The following KCND2 variants were observed in gnomAD, a reference collection of about 807,000 sequenced individuals.
KCND2 encodes the protein potassium voltage-gated channel subfamily D member 2.
KCND2 carries 16 observed loss-of-function variants against 54.4 expected under a neutral mutation model. The ratio of observed to expected loss-of-function variants is 0.29; its 90% CI spans 0.20 to 0.45. The LOEUF (loss-of-function observed/expected upper bound fraction) is 0.45. KCND2 is among the 20% of genes least tolerant of loss of function. KCND2 has a pLI of 1.00. For missense variants in KCND2, 486 were observed against 824.2 expected, an observed-to-expected ratio of 0.59 and a Z score of 5.02; for synonymous variants, 317 against 310.7, an observed-to-expected ratio of 1.02 and a Z score of -0.21.
chr7:120,499,176 C>A (rs1018646384), intron 1 of KCND2, among the ~76,000 whole-genome samples: 1 of 152,058 alleles, frequency 6.6e-6, no homozygotes, highest in Non-Finnish European at 1.5e-5. Flanking sequence ...GGGAAGAAAA[C>A]CTCATTATAT....
intron 1 of KCND2, among the ~76,000 whole-genome samples, chr7:120,520,257 T>C (rs1194746074): frequency 6.6e-6 from 1 of 152,102 alleles, no homozygotes; most frequent in Admixed American, 6.6e-5. Context: ...GTAATTCTAT[T>C]TGTGATAATC....
intron 1 of KCND2, among the ~76,000 whole-genome samples, chr7:120,729,900 T>A (rs1420232324): frequency 6.6e-6 from 1 of 152,188 alleles, no homozygotes; most frequent in Non-Finnish European, 1.5e-5. Context: ...ACCTTATGAA[T>A]CCTTCTAGAC....
chr7:120,421,911 A>G (rs764804659), intron 1 of KCND2, among the ~76,000 whole-genome samples: 1 of 152,150 alleles, frequency 6.6e-6, no homozygotes, highest in Non-Finnish European at 1.5e-5. Context: ...GCCACTTTTC[A>G]GGGAGCTGGG....
At chr7:120,333,834 T>C (rs1201840458) in intron 1 of KCND2, among the ~76,000 whole-genome samples, 3 of 152,204 alleles carry the variant, frequency 2.0e-5, no homozygotes, top group African/African-American at 7.2e-5. Flanking sequence ...GTGGCATGGG[T>C]TTGTAGATAA....
chr7:120,578,899 C>T (rs1314184353), intron 1 of KCND2, among the ~76,000 whole-genome samples: 1 of 150,222 alleles, frequency 6.7e-6, no homozygotes, highest in East Asian at 1.9e-4. Context: ...ACCTGGGTGA[C>T]AGAGCAAGAC....
chr7:120,505,493 G>A (rs554533807), intron 1 of KCND2, among the ~76,000 whole-genome samples: 3 of 151,744 alleles, frequency 2.0e-5, no homozygotes, highest in Non-Finnish European at 4.4e-5. Context: ...ATAGAGAAAC[G>A]GCATGTTTGT....
chr7:120,595,034 A>G (rs1376992489), intron 1 of KCND2, among the ~76,000 whole-genome samples: 1 of 151,598 alleles, frequency 6.6e-6, no homozygotes, highest in Non-Finnish European at 1.5e-5. Flanking sequence ...AGAAAAAAAA[A>G]AAAAAGAGAG....
chr7:120,400,001 C>T (rs1801223395), intron 1 of KCND2, among the ~76,000 whole-genome samples: 1 of 152,124 alleles, frequency 6.6e-6, no homozygotes, highest in Non-Finnish European at 1.5e-5. Context: ...GCTGGGATTA[C>T]AGGCATGAGC....
intron 1 of KCND2, among the ~76,000 whole-genome samples, chr7:120,435,839 G>A (rs2116178457): frequency 6.6e-6 from 1 of 152,142 alleles, no homozygotes; most frequent in South Asian, 2.1e-4. Flanking sequence ...TTGGGCAATT[G>A]ATGTGTTTTT....
intron 1 of KCND2, among the ~76,000 whole-genome samples, chr7:120,603,330 C>T (rs1248619699): frequency 6.6e-6 from 1 of 152,172 alleles, no homozygotes; most frequent in Non-Finnish European, 1.5e-5. Context: ...ATGAGACGTG[C>T]CCCTTCTGAA....
chr7:120,347,981 C>T (rs1287197475), intron 1 of KCND2, among the ~76,000 whole-genome samples: 1 of 152,092 alleles, frequency 6.6e-6, no homozygotes, highest in Non-Finnish European at 1.5e-5. Flanking sequence ...AGAGCAGGAA[C>T]TCTCTGGGAT....
At chr7:120,741,783 C>T (rs1386139231) in intron 3 of KCND2, among the ~76,000 whole-genome samples, 154 bp downstream of exon 3, 1 of 152,008 alleles carries the variant, frequency 6.6e-6, no homozygotes, top group Non-Finnish European at 1.5e-5. Flanking sequence ...TAACTTCACC[C>T]TGTACATCCT....
intron 1 of KCND2, among the ~76,000 whole-genome samples, chr7:120,456,087 A>G (rs1319294816): frequency 6.6e-6 from 1 of 152,190 alleles, no homozygotes; most frequent in African/African-American, 2.4e-5. Context: ...CCTTCAAACC[A>G]TGAACCGTAT....
At chr7:120,599,113 T>C (rs777004290) in intron 1 of KCND2, among the ~76,000 whole-genome samples, 1 of 152,182 alleles carries the variant, frequency 6.6e-6, no homozygotes, top group African/African-American at 2.4e-5. Context: ...TTTGCACCTT[T>C]GTAGAAAATC....
At chr7:120,678,343 TTATATATA>T (rs3067141) in intron 1 of KCND2, among the ~76,000 whole-genome samples, 17 of 120,278 alleles carry the variant, frequency 1.4e-4, no homozygotes, top group East Asian at 2.8e-4. Flanking sequence ...GTATGATTAT[TTATATATA>T]TATATATATA....
At chr7:120,676,859 T>C (rs891869534) in intron 1 of KCND2, among the ~76,000 whole-genome samples, 2 of 152,192 alleles carry the variant, frequency 1.3e-5, no homozygotes, top group Non-Finnish European at 2.9e-5. Flanking sequence ...AAAAAAGGCA[T>C]CTGGGTAGCC....
chr7:120,338,699 G>C (rs1454568680), intron 1 of KCND2, among the ~76,000 whole-genome samples: 2 of 152,132 alleles, frequency 1.3e-5, no homozygotes, highest in African/African-American at 2.4e-5. Flanking sequence ...ATAGACATTT[G>C]ATATGTTTTT....
intron 1 of KCND2, among the ~76,000 whole-genome samples, chr7:120,729,380 A>T (rs977083056): frequency 2.6e-5 from 4 of 152,184 alleles, no homozygotes; most frequent in Admixed American, 1.3e-4. Flanking sequence ...CTTTAAACTG[A>T]TAAAGGGAGC....
chr7:120,708,199 C>T (rs920365113), intron 1 of KCND2, among the ~76,000 whole-genome samples: 3 of 152,036 alleles, frequency 2.0e-5, no homozygotes, highest in Admixed American at 2.0e-4. Flanking sequence ...AAAGAAATAC[C>T]TTCAATAGCT....
Sources: allele counts gnomAD v4.1 joint callset (sites outside exome capture counted in the v4.1 genomes callset), GRCh38; gene constraint gnomAD v4.1.1; transcripts MANE v1.5; gene names NCBI Gene and HGNC (gene_info 2026-07-23, HGNC 2026-07-21).